Variants in NRG3 observed in about 807,000 individuals in gnomAD.
NRG3 encodes neuregulin 3.
A neutral mutation model predicts 66.9 loss-of-function variants in NRG3; 31 were observed. The observed-to-expected ratio is 0.46, with a 90% CI of 0.35 to 0.63. The LOEUF is 0.63. NRG3 is among the 20% of genes least tolerant of loss of function. NRG3 has a pLI of 0.00. For synonymous variants in NRG3, 393 were observed against 359.4 expected, an observed-to-expected ratio of 1.09 and a Z score of -1.06; for missense variants, 910 against 878.9, an observed-to-expected ratio of 1.04 and a Z score of -0.45.
Position 82,283,941 on chromosome 10 carries a change from T to A in NRG3, c.824-74798T>A, listed in dbSNP as rs560994621. ...TTGATAATGATTTGACATTTCAGCA[T>A]CTTCTGGTTTGCTCGTAGTTTGCTA... is the stretch of plus-strand genomic sequence containing the variant. On this transcript the variant is annotated intron_variant, in intron 1 of 8. Transcript: ENST00000372141. Among the ~76,000 whole-genome samples the A allele has an allele frequency of 2.6e-5, 4 of 152,234 alleles. No homozygotes were observed. The South Asian group carries it at 8.3e-4, about 31-fold the overall frequency.
In NRG3 at chr10:82,366,643, T is replaced by G. The variant is rs141607059; in HGVS notation, c.953+7775T>G. On this transcript the variant is annotated intron_variant, in intron 2 of 8. Transcript: ENST00000372141. ...GAAATTGTTGTCGATTTTGCAATTT[T>G]GTGACACAATACAATAGGCTGTTGA... Among the ~76,000 whole-genome samples, 8 of 152,340 alleles carry G rather than the reference T, an allele frequency of 5.3e-5. No homozygotes were observed. The East Asian group carries it at 1.3e-3, about 26-fold the overall frequency.
rs368689644 is a variant in NRG3, at chr10:82,850,037, A to T, written c.1028-15374A>T. Reference sequence around the variant, plus strand: ...TGTAGTAAAACCATCCAGGTGAGAGAAGTGGTTGGCTTGAACCAGCTTGTT... The same window carrying T: ...TGTAGTAAAACCATCCAGGTGAGAGTAGTGGTTGGCTTGAACCAGCTTGTT... On this transcript the variant is annotated intron_variant, in intron 3 of 8. Coordinates refer to ENST00000372141, the MANE Select transcript of NRG3 (RefSeq NM_001010848.4). Among the ~76,000 whole-genome samples, 22 of 152,242 alleles carry T rather than the reference A, an allele frequency of 1.4e-4. No homozygotes were observed. The East Asian group carries it at 3.5e-3, about 24-fold the overall frequency.
chr10:82,573,100 A>G (rs2045837145), intron 2 of NRG3, among the ~76,000 whole-genome samples: 1 of 151,824 alleles, frequency 6.6e-6, no homozygotes, highest in South Asian at 2.1e-4. Context: ...AGAATATGTG[A>G]CAAGAGATTG....
chr10:81,996,015 C>T lies in NRG3; in HGVS notation c.823+119852C>T, dbSNP rs548366044. Among the ~76,000 whole-genome samples, 8 of 151,930 alleles carry T rather than the reference C, an allele frequency of 5.3e-5. No homozygotes were observed. In the East Asian group the frequency reaches 1.5e-3, roughly 29 times the overall value. ...ACATCCAGCTCTGGAATTTTTTTTT[C>T]TTTATAATGCATAATGAATAGCTTT... On this transcript the variant is annotated intron_variant, in intron 1 of 8. Transcript: ENST00000372141.
At chr10:82,230,441 C>T (rs1316128125) in intron 1 of NRG3, 1 of 152,120 alleles carries the variant, frequency 6.6e-6, no homozygotes, top group Non-Finnish European at 1.5e-5. Flanking sequence ...AGGAAAAGAA[C>T]AGGTCAATGC....
intron 4 of NRG3, among the ~76,000 whole-genome samples, chr10:82,885,499 C>G (rs529063120): frequency 6.6e-6 from 1 of 152,178 alleles, no homozygotes; most frequent in South Asian, 2.1e-4. Flanking sequence ...CAATTTCTGC[C>G]AGTTTATAAA....
intron 1 of NRG3, among the ~76,000 whole-genome samples, chr10:82,008,676 C>T (rs1480399970): frequency 6.6e-6 from 1 of 152,102 alleles, no homozygotes; most frequent in African/African-American, 2.4e-5. Flanking sequence ...GGATCCATTT[C>T]TGGTAGTCTC....
intron 2 of NRG3, among the ~76,000 whole-genome samples, chr10:82,533,390 C>G (rs1055134106): frequency 2.6e-5 from 4 of 151,728 alleles, no homozygotes; most frequent in Admixed American, 1.3e-4. Context: ...AGTATTTCCC[C>G]TAAGTTTTCT....
intron 1 of NRG3, among the ~76,000 whole-genome samples, chr10:82,340,189 A>G (rs189957552): frequency 2.6e-5 from 4 of 152,244 alleles, no homozygotes; most frequent in Non-Finnish European, 1.5e-5. Context: ...AACCCATCCA[A>G]ATGAGAACAC....
intron 2 of NRG3, among the ~76,000 whole-genome samples, chr10:82,648,696 T>C (rs1244960136): frequency 1.3e-5 from 2 of 152,192 alleles, no homozygotes; most frequent in African/African-American, 4.8e-5. Flanking sequence ...CAGTGGTTTG[T>C]AGTTCTCCTT....
At chr10:82,782,531 A>G (rs1482097086) in intron 3 of NRG3, among the ~76,000 whole-genome samples, 1 of 152,116 alleles carries the variant, frequency 6.6e-6, no homozygotes, top group Non-Finnish European at 1.5e-5. Context: ...AAGACCAACA[A>G]CTGATACTGA....
chr10:82,052,100 T>C (rs1252330044), intron 1 of NRG3, among the ~76,000 whole-genome samples: 2 of 151,258 alleles, frequency 1.3e-5, no homozygotes, highest in African/African-American at 2.4e-5. Flanking sequence ...AGAACTGTAA[T>C]AGTTATCCTC....
intron 2 of NRG3, among the ~76,000 whole-genome samples, chr10:82,359,818 T>G (rs1233360548): frequency 6.6e-6 from 1 of 152,228 alleles, no homozygotes; most frequent in Non-Finnish European, 1.5e-5. Flanking sequence ...ATTACTATTA[T>G]AAAACTCTAT....
chr10:82,144,550 T>C (rs2070100248), intron 1 of NRG3, among the ~76,000 whole-genome samples: 2 of 152,306 alleles, frequency 1.3e-5, no homozygotes, highest in African/African-American at 2.4e-5. Context: ...GAGAGTAGTC[T>C]CATGGGCTAA....
chr10:82,958,697 T>C (rs1255712669), intron 5 of NRG3, among the ~76,000 whole-genome samples: 1 of 152,210 alleles, frequency 6.6e-6, no homozygotes, highest in African/African-American at 2.4e-5. Flanking sequence ...GCCAGGGCAA[T>C]GCACTAAATG....
intron 1 of NRG3, among the ~76,000 whole-genome samples, chr10:82,076,813 G>A (rs1314726805): frequency 6.6e-6 from 1 of 152,184 alleles, no homozygotes; most frequent in Non-Finnish European, 1.5e-5. Flanking sequence ...CTGCAGAACC[G>A]TCAGTCAAGC....
At chr10:82,306,202 T>G (rs964336736) in intron 1 of NRG3, among the ~76,000 whole-genome samples, 3 of 152,196 alleles carry the variant, frequency 2.0e-5, no homozygotes, top group Non-Finnish European at 2.9e-5. Flanking sequence ...TTGATCATGA[T>G]GTATTATTCT....
intron 2 of NRG3, among the ~76,000 whole-genome samples, chr10:82,409,291 A>G (rs573158296): frequency 6.6e-6 from 1 of 152,322 alleles, no homozygotes; most frequent in East Asian, 1.9e-4. Flanking sequence ...CAAGTTATTT[A>G]ATAGTGGCAT....
chr10:82,128,318 G>T (rs556948446), intron 1 of NRG3, among the ~76,000 whole-genome samples: 1 of 151,940 alleles, frequency 6.6e-6, no homozygotes, highest in Non-Finnish European at 1.5e-5. Context: ...TAAATGGCTA[G>T]GCATGTTTTA....
Sources: gnomAD v4.1 joint callset for allele counts (sites outside exome capture counted in the v4.1 genomes callset) on GRCh38, gnomAD v4.1.1 for gene constraint, MANE v1.5 for transcripts, NCBI Gene and HGNC (gene_info 2026-07-23, HGNC 2026-07-21) for gene names.